The following TNNI3K variants were observed in gnomAD, a reference collection of about 807,000 sequenced individuals.
The protein encoded by TNNI3K is TNNI3 interacting kinase, also known as serine/threonine-protein kinase TNNI3K.
Under a neutral mutation model 114.5 loss-of-function variants are expected in TNNI3K, and 140 were observed. The observed-to-expected ratio is 1.22, with a 90% CI of 1.07 to 1.41. TNNI3K has a LOEUF of 1.41. Ranked by LOEUF, TNNI3K falls within the 40% of genes most tolerant of loss-of-function variation. TNNI3K has a pLI of 0.00. For synonymous variants in TNNI3K, 347 were observed against 347.5 expected (o/e 1.00, Z 0.02); for missense variants, 1,125 against 1,007.6 (o/e 1.12, Z -1.58).
chr1:74,449,959 T>C (rs1666912588), intron 20 of TNNI3K, among the ~76,000 whole-genome samples: 1 of 78,970 alleles, frequency 1.3e-5, no homozygotes, highest in Non-Finnish European at 2.5e-5. Flanking sequence ...TACATTTTTT[T>C]CAGCACCACA....
chr1:74,509,962 C>G lies in TNNI3K; in HGVS notation c.2351+17696C>G, dbSNP rs1272160119. On this transcript the variant is annotated intron_variant, in intron 23 of 24. Transcript: ENST00000326637. ...AGAGACAGGGTTTCACCAAGTCACC[C>G]AGGCTGGTCTTGAATTCCTGAATTC... is the stretch of plus-strand genomic sequence containing the variant. Among the ~76,000 whole-genome samples, 4 of 152,048 alleles carry G rather than the reference C, an allele frequency of 2.6e-5. No homozygotes were observed. The South Asian group carries it at 8.3e-4, about 32-fold the overall frequency.
intron 23 of TNNI3K, among the ~76,000 whole-genome samples, chr1:74,516,912 T>G (rs1320152453): frequency 6.6e-6 from 1 of 152,190 alleles, no homozygotes; most frequent in Non-Finnish European, 1.5e-5. Flanking sequence ...GTTAACTACA[T>G]GATAGACAGT....
Position 74,534,357 on chromosome 1 carries a change from A to G in TNNI3K, c.2352-5877A>G, listed in dbSNP as rs903475536. ...TCCTTTTGGACTGCATACCCATCTGAAGTCTTCTTTGGAATGCAATTCAGT... is the reference window on the plus strand; with the variant it reads ...TCCTTTTGGACTGCATACCCATCTGGAGTCTTCTTTGGAATGCAATTCAGT... On this transcript the variant is annotated intron_variant, in intron 23 of 24. Coordinates refer to ENST00000326637, the MANE Select transcript of TNNI3K (RefSeq NM_015978.3). Among the ~76,000 whole-genome samples, 4 of 152,212 alleles carry G rather than the reference A, an allele frequency of 2.6e-5. No individual in the cohort carries two copies. The East Asian group carries it at 7.7e-4, about 29-fold the overall frequency.
intron 21 of TNNI3K, among the ~76,000 whole-genome samples, chr1:74,479,144 G>GTC (rs1040398986): frequency 6.6e-6 from 1 of 152,002 alleles, no homozygotes; most frequent in South Asian, 2.1e-4. Flanking sequence ...TTGGTCTCTG[G>GTC]TCTCTCTCTC....
At chr1:74,305,637 T>A (rs1307353908) in intron 5 of TNNI3K, among the ~76,000 whole-genome samples, 1 of 152,162 alleles carries the variant, frequency 6.6e-6, no homozygotes, top group Non-Finnish European at 1.5e-5. Flanking sequence ...CTAAGGGCTG[T>A]GCTGTCTGCT....
At chr1:74,370,153 T>C (rs917257356) in intron 16 of TNNI3K, 135 bp from the exon 17 acceptor site, 1 of 641,610 alleles carries the variant, frequency 1.6e-6, no homozygotes, top group Non-Finnish European at 2.4e-6. Flanking sequence ...TTCAGATTTG[T>C]TGAATTTCTA....
Position 74,397,061 on chromosome 1 carries a change from T to C in TNNI3K, c.1772+26669T>C, listed in dbSNP as rs1664120584. On this transcript the variant is annotated intron_variant, in intron 17 of 24. Transcript: ENST00000326637. ...GGAAAGCCAGCCATGCAGCTGTGTG[T>C]GGGAGCTGACTGCTGAAAGTTGTTG... Among the ~76,000 whole-genome samples the C allele has an allele frequency of 2.0e-5, 3 of 152,068 alleles. No individual in the cohort carries two copies. The South Asian group carries it at 6.2e-4, about 32-fold the overall frequency.
At chr1:74,540,168 C>A (rs538742667) in intron 23 of TNNI3K, 66 bp from the exon 24 acceptor site, 16 of 1,552,074 alleles carry the variant, frequency 1.0e-5, no homozygotes, top group Non-Finnish European at 1.2e-5. Flanking sequence ...TGGAAAAATT[C>A]TGTGTTTATA....
rs1003727507 is a variant in TNNI3K at position 74,237,910 on chromosome 1, C to T, written c.149+1700C>T. Among the ~76,000 whole-genome samples, 15 of 151,942 alleles carry T rather than the reference C, an allele frequency of 9.9e-5. 1 individual carries two copies. Among genetic ancestry groups the T allele is most frequent in the Non-Finnish European group, 1.9e-4 (13 of 67,902 alleles). On this transcript the variant is annotated intron_variant, in intron 2 of 24. Coordinates refer to ENST00000326637, the MANE Select transcript of TNNI3K (RefSeq NM_015978.3). ...AATATTAACTCCGGTGGATGATAAA[C>T]TAAGGATTAGAGACAAGGCAGTGGG...
At chr1:74,394,854 C>G (rs1248079238) in intron 17 of TNNI3K, among the ~76,000 whole-genome samples, 1 of 152,062 alleles carries the variant, frequency 6.6e-6, no homozygotes, top group African/African-American at 2.4e-5. Context: ...ACCATCCTGG[C>G]TAACATGGTG....
intron 20 of TNNI3K, among the ~76,000 whole-genome samples, chr1:74,450,072 A>T: frequency 7.3e-6 from 1 of 137,096 alleles, no homozygotes; most frequent in East Asian, 2.1e-4. Context: ...ACCACAGTGC[A>T]ATCAAACTAG....
At chr1:74,334,936 C>T (rs1660390132) in intron 6 of TNNI3K, among the ~76,000 whole-genome samples, 1 of 152,132 alleles carries the variant, frequency 6.6e-6, no homozygotes, top group African/African-American at 2.4e-5. Context: ...CTAAAGAGAG[C>T]AAATGACAAA....
chr1:74,252,933 C>A (rs1036922747), intron 4 of TNNI3K, among the ~76,000 whole-genome samples: 3 of 152,178 alleles, frequency 2.0e-5, no homozygotes, highest in Non-Finnish European at 2.9e-5. Flanking sequence ...TGCTTTTATT[C>A]TCTTATCTGG....
intron 24 of TNNI3K, among the ~76,000 whole-genome samples, chr1:74,541,019 A>G (rs968890303): frequency 6.6e-6 from 1 of 152,208 alleles, no homozygotes; most frequent in Non-Finnish European, 1.5e-5. Flanking sequence ...ACCAACCTTT[A>G]AGCCTGAGAG....
At chr1:74,421,573 C>A (rs1665397149) in intron 17 of TNNI3K, among the ~76,000 whole-genome samples, 1 of 152,052 alleles carries the variant, frequency 6.6e-6, no homozygotes, top group South Asian at 2.1e-4. Context: ...ACTGTTCTTT[C>A]TACACTATAA....
intron 17 of TNNI3K, among the ~76,000 whole-genome samples, chr1:74,380,907 A>G (rs775316069): frequency 1.3e-5 from 2 of 152,136 alleles, no homozygotes; most frequent in African/African-American, 2.4e-5. Context: ...ATTGAGTGCA[A>G]ACTGACTAGG....
At chr1:74,337,855 A>G (rs1038097036) in intron 7 of TNNI3K, among the ~76,000 whole-genome samples, 2 of 152,132 alleles carry the variant, frequency 1.3e-5, no homozygotes, top group Admixed American at 6.6e-5. Context: ...ATTTGGACAT[A>G]TATCCATGTT....
At chr1:74,480,759 C>G in intron 21 of TNNI3K, 1 of 717,444 alleles carries the variant, frequency 1.4e-6, no homozygotes, top group Admixed American at 2.0e-5. Context: ...AAGGTGTGAT[C>G]AGTGAGCGAA....
At chr1:74,325,279 C>A (rs913709270) in intron 5 of TNNI3K, among the ~76,000 whole-genome samples, 2 of 152,108 alleles carry the variant, frequency 1.3e-5, no homozygotes, top group Admixed American at 6.5e-5. Context: ...GCCCTGCAGA[C>A]CCCTAGCTGC....
Sources: gnomAD v4.1 joint callset for allele counts (sites outside exome capture counted in the v4.1 genomes callset) on GRCh38, gnomAD v4.1.1 for gene constraint, MANE v1.5 for transcripts, NCBI Gene and HGNC (gene_info 2026-07-23, HGNC 2026-07-21) for gene names.